Variants in EEF1D observed in about 807,000 individuals in gnomAD.
EEF1D encodes elongation factor 1-delta.
Under a neutral mutation model 63.9 loss-of-function variants are expected in EEF1D, and 47 were observed. The observed-to-expected ratio is 0.74, with a 90% CI of 0.58 to 0.94. EEF1D has a LOEUF of 0.94. Among genes scored for constraint, EEF1D ranks in the 40% least tolerant of loss-of-function variants. The pLI, the probability that EEF1D is intolerant of heterozygous loss-of-function variation, is 0.00. For missense variants in EEF1D, 907 were observed against 899.0 expected (o/e 1.01, Z -0.11); for synonymous variants, 412 against 386.1 (o/e 1.07, Z -0.79).
At position 143,592,004 on chromosome 8, in the gene EEF1D, G is replaced by A. The variant is rs953255180; in HGVS notation, c.-1+643C>T. 8 of 978,314 alleles carry A rather than the reference G, an allele frequency of 8.2e-6. No individual in the cohort carries two copies. In the South Asian group the frequency reaches 2.4e-4, roughly 29 times the overall value. 60.6% of individuals were successfully genotyped at this position (978,314 alleles called of 1,614,324 possible). A position where few individuals can be genotyped will look rare whatever the true frequency, so the allele number is the denominator to read the frequency against. On this transcript the variant is annotated intron_variant, in intron 2 of 9. Coordinates refer to ENST00000618139, the MANE Select transcript of EEF1D (RefSeq NM_001130053.5). ...GTTCTAATGGCACCAACGAGGAACCGGGGCCCATGGGAGGCCACAGGGCCC... is the reference window on the plus strand; with the variant it reads ...GTTCTAATGGCACCAACGAGGAACCAGGGCCCATGGGAGGCCACAGGGCCC...
At position 143,588,200 on chromosome 8, in the gene EEF1D, G is replaced by A. The variant is rs552152798; in HGVS notation, c.1091+791C>T. ...TCCAGACCCCTAGGGGTCCAAGGTT[G>A]GAACCACTTCCTTGGGGGCCTCAGC... On this transcript the variant is annotated intron_variant, in intron 3 of 9. Coordinates refer to ENST00000618139, the MANE Select transcript of EEF1D (RefSeq NM_001130053.5). Among the ~76,000 whole-genome samples the A allele has an allele frequency of 2.0e-5, 3 of 152,280 alleles. No homozygotes were observed. The South Asian group carries it at 6.2e-4, about 32-fold the overall frequency.
intron 2 of EEF1D, chr8:143,590,316 T>C (rs1432472437): frequency 1.5e-6 from 1 of 681,082 alleles, no homozygotes; most frequent in Non-Finnish European, 2.5e-6. Context: ...CAGTGGCTCA[T>C]GCCTGTAATC....
At chr8:143,580,950 G>T in intron 7 of EEF1D, 104 bp downstream of exon 7, 1 of 1,342,826 alleles carries the variant, frequency 7.4e-7, no homozygotes. Flanking sequence ...CCAGTATCCT[G>T]GCTGCCAGCT....
At chr8:143,595,366 A>G (rs7840224) in intron 1 of EEF1D, among the ~76,000 whole-genome samples, 149,650 of 152,066 alleles carry the variant, frequency 0.98, 73,690 homozygotes, top group East Asian at 1. Context: ...CCATGCGCCC[A>G]GCCTAATTTT....
chr8:143,586,762 C>G lies in EEF1D; in HGVS notation c.1182G>C (p.Gln394His). 6.2e-7 allele frequency: 1 copy of G among 1,614,152 alleles called. No individual in the cohort carries two copies. The highest frequency in any genetic ancestry group is 8.5e-7 in the Non-Finnish European group (1 of 1,180,020). ...YDDAERRFYEQMNGPVAGASR... is the reference protein window; with the variant it reads ...YDDAERRFYEHMNGPVAGASR... ...AGGCACCTGCCACAGGCCCGTTCAT[C>G]TGCTCGTAGAATCTCCTTTCTGCGT... The change falls in exon 4 of 10, where the codon CAG (glutamine) becomes CAC (histidine). Residue 394 changes from glutamine (Q) to histidine (H), a missense_variant. Gln to His is a conservative substitution (Grantham distance 24). Transcript: ENST00000618139.
intron 4 of EEF1D, 134 bp from the exon 5 acceptor site, chr8:143,586,424 G>T: frequency 1.1e-6 from 1 of 872,796 alleles, no homozygotes. Flanking sequence ...AGAGCTTGGC[G>T]GGCCAGAAAA....
chr8:143,590,319 C>A, intron 2 of EEF1D: 1 of 673,904 alleles, frequency 1.5e-6, no homozygotes, highest in South Asian at 1.9e-5. Flanking sequence ...TGGCTCATGC[C>A]TGTAATCTCA....
At chr8:143,582,018 G>A (rs961131514) in intron 5 of EEF1D, 2 of 152,384 alleles carry the variant, frequency 1.3e-5, no homozygotes, top group Non-Finnish European at 2.9e-5. Flanking sequence ...TCGAAGGACA[G>A]GGTGCACCTG....
intron 5 of EEF1D, 88 bp downstream of exon 5, chr8:143,586,131 A>C: frequency 7.7e-7 from 1 of 1,304,314 alleles, no homozygotes; most frequent in Non-Finnish European, 1.1e-6. Flanking sequence ...TCTGCTGTGA[A>C]GCCAAAACAA....
At position 143,580,724 on chromosome 8, in the gene EEF1D, C is replaced by A. The variant is rs202002927; in HGVS notation, c.1492G>T (p.Val498Leu). ...GGCTCCACTTGGCGCATGGGAGATA[C>A]GTGCTGCCACAGGGGAAGGGACAGG... The part of the protein sequence containing the change: ...HRATAPQTQH[V>L]SPMRQVEPPA... The change falls in exon 8 of 10, where the codon GTA becomes TTA. Residue 498 changes from valine to leucine, a missense_variant. Physicochemically the swap from Val to Leu is conservative, Grantham distance 32. Coordinates refer to ENST00000618139, the MANE Select transcript of EEF1D (RefSeq NM_001130053.5). The A allele has an allele frequency of 3.1e-6, 5 of 1,612,824 alleles. No homozygotes were observed. Among genetic ancestry groups the A allele is most frequent in the Admixed American group, 1.7e-5 (1 of 60,024 alleles).
intron 8 of EEF1D, 24 bp downstream of exon 8, chr8:143,580,482 T>G: frequency 6.2e-7 from 1 of 1,603,752 alleles, no homozygotes; most frequent in South Asian, 1.1e-5. Context: ...CCTGGCCCCC[T>G]GAAGCCCCAC....
In EEF1D at chr8:143,580,633, C is replaced by G. The variant is rs140898779; in HGVS notation, c.1583G>C (p.Ser528Thr). 35 of 1,613,830 alleles carry G rather than the reference C, an allele frequency of 2.2e-5. No individual in the cohort carries two copies. In the African/African-American group the frequency reaches 3.9e-4, roughly 18 times the overall value. Reference sequence around the variant, plus strand: ...CTCCTTGTCCTCCTCCTCATTGTCACTGCCAAACAGGTCAATGTCATCATC... The same window carrying G: ...CTCCTTGTCCTCCTCCTCATTGTCAGTGCCAAACAGGTCAATGTCATCATC... ...DEDDDIDLFG[S>T]DNEEEDKEAA... is the part of the protein sequence containing the mutation. Residue 528 changes from serine to threonine, a missense_variant, in exon 8 of 10, where the codon AGT becomes ACT. By Grantham distance (58) the Ser-to-Thr change is moderately conservative. Coordinates refer to ENST00000618139, the MANE Select transcript of EEF1D (RefSeq NM_001130053.5).
At chr8:143,582,941 G>A (rs73379021) in intron 5 of EEF1D, 30,669 of 152,242 alleles carry the variant, frequency 0.2, 3,301 homozygotes, top group Middle Eastern at 0.28. Context: ...TGAAACCCCA[G>A]TGTCTGCTGA....
intron 5 of EEF1D, chr8:143,582,377 G>C (rs971185966): frequency 6.6e-6 from 1 of 152,348 alleles, no homozygotes; most frequent in South Asian, 2.1e-4. Context: ...ATGGTGGTGG[G>C]GGTACGGGAG....
At chr8:143,592,566 G>C (rs1828154046) in intron 2 of EEF1D, 81 bp downstream of exon 2, 1 of 974,758 alleles carries the variant, frequency 1.0e-6, no homozygotes, top group African/African-American at 1.8e-5. Flanking sequence ...GGTGGTGCTG[G>C]GTTCCCTCAG....
At position 143,589,006 on chromosome 8, in the gene EEF1D, G is replaced by T; in HGVS notation, c.1076C>A (p.Ser359Tyr). ...TTTCTCCTACTTGGGTCTCAGGCTG[G>T]ACACGGACAGGCCAGACCGAGGACC... Reference protein sequence around the residue: ...RPGPRSGLSVSSLRPNRKMAT... With the variant: ...RPGPRSGLSVYSLRPNRKMAT... The change falls in exon 3 of 10, where the codon TCC becomes TAC. Residue 359 changes from serine to tyrosine, a missense_variant. Coordinates refer to ENST00000618139, the MANE Select transcript of EEF1D (RefSeq NM_001130053.5). 6.3e-7 allele frequency: 1 copy of T among 1,597,560 alleles called. No homozygotes were observed. The highest frequency in any genetic ancestry group is 8.5e-7 in the Non-Finnish European group (1 of 1,179,320).
rs1824958591 is a variant in EEF1D, at chr8:143,579,846, G to A, written c.1906-16C>T. ...CACTCTGCACCTGAGGAGAGGCGGA[G>A]GGTGACGGTCAGGGCTGTTCCCCTA... On this transcript the variant is annotated splice_polypyrimidine_tract_variant and intron_variant, in intron 9 of 9. Coordinates refer to ENST00000618139, the MANE Select transcript of EEF1D (RefSeq NM_001130053.5). 2 of 1,554,512 alleles carry A rather than the reference G, an allele frequency of 1.3e-6. No individual in the cohort carries two copies. Among genetic ancestry groups the A allele is most frequent in the Admixed American group, 1.9e-5 (1 of 52,282 alleles).
intron 1 of EEF1D, chr8:143,595,988 C>G (rs1828738360): frequency 6.6e-6 from 1 of 152,436 alleles, no homozygotes; most frequent in Non-Finnish European, 1.5e-5. Context: ...ACCCACAAAT[C>G]CTCAATGCCA....
intron 5 of EEF1D, among the ~76,000 whole-genome samples, chr8:143,584,635 T>TG (rs1187059181): frequency 6.6e-6 from 1 of 152,024 alleles, no homozygotes; most frequent in Non-Finnish European, 1.5e-5. Flanking sequence ...AGAATTCAGA[T>TG]GCTAAGGCCC....
Sources: gnomAD v4.1 joint callset for allele counts (sites outside exome capture counted in the v4.1 genomes callset) on GRCh38, gnomAD v4.1.1 for gene constraint, MANE v1.5 for transcripts, NCBI Gene and HGNC (gene_info 2026-07-23, HGNC 2026-07-21) for gene names.